SNTB1: variants seen among roughly 807,000 people sequenced by gnomAD.
SNTB1 encodes syntrophin beta 1.
A neutral mutation model predicts 48.9 loss-of-function variants in SNTB1; 36 were observed. The ratio of observed to expected loss-of-function variants is 0.74; its 90% confidence interval spans 0.56 to 0.97. The LOEUF (loss-of-function observed/expected upper bound fraction) is 0.97, where lower values mean the gene tolerates loss of function less well. Ranked by LOEUF, SNTB1 falls within the 50% of genes least tolerant of loss-of-function variation. The pLI, the probability that SNTB1 is intolerant of heterozygous loss-of-function variation, is 0.00. For synonymous variants in SNTB1, 299 were observed against 294.6 expected (o/e 1.01, Z -0.15); for missense variants, 786 against 703.4 (o/e 1.12, Z -1.33).
chr8:120,635,962 G>A (rs1817068197), intron 2 of SNTB1: 1 of 552,504 alleles, frequency 1.8e-6, no homozygotes, highest in Non-Finnish European at 3.1e-6. Flanking sequence ...TTTCAGATAT[G>A]CCCTCTCCTT....
At chr8:120,571,468 G>A in intron 4 of SNTB1, 1 of 304,422 alleles carries the variant, frequency 3.3e-6, no homozygotes, top group Non-Finnish European at 6.3e-6. Flanking sequence ...TTTACATTCT[G>A]ACTATTGAGG....
intron 1 of SNTB1, among the ~76,000 whole-genome samples, chr8:120,701,168 G>C (rs1818303981): frequency 6.6e-6 from 1 of 152,184 alleles, no homozygotes; most frequent in African/African-American, 2.4e-5. Flanking sequence ...AAGATGCAGA[G>C]AGAGATCATC....
At chr8:120,545,605 C>T (rs189439086) in intron 5 of SNTB1, among the ~76,000 whole-genome samples, 1 of 152,230 alleles carries the variant, frequency 6.6e-6, no homozygotes, top group East Asian at 1.9e-4. Context: ...AAGCATGGTT[C>T]TTAAGATGTC....
In SNTB1 at chr8:120,790,038, A is replaced by G. The variant is rs551142730; in HGVS notation, c.571+21235T>C. Among the ~76,000 whole-genome samples the G allele has an allele frequency of 2.0e-5, 3 of 152,102 alleles. 1 individual carries two copies. The South Asian group carries it at 6.2e-4, about 32-fold the overall frequency. ...AACAGCACATCAAAAAAAGTAATTC[A>G]CCATGATCAGGTGGGTTTTATTCCA... is the stretch of plus-strand genomic sequence containing the variant. On this transcript the variant is annotated intron_variant, in intron 1 of 6. Coordinates refer to ENST00000517992, the MANE Select transcript of SNTB1 (RefSeq NM_021021.4).
intron 3 of SNTB1, among the ~76,000 whole-genome samples, chr8:120,578,824 A>G (rs1023233798): frequency 2.0e-5 from 3 of 152,222 alleles, no homozygotes; most frequent in African/African-American, 4.8e-5. Flanking sequence ...AGTGGCTTCC[A>G]AACTCTTTAA....
At chr8:120,677,417 C>G (rs1420806506) in intron 2 of SNTB1, among the ~76,000 whole-genome samples, 1 of 152,198 alleles carries the variant, frequency 6.6e-6, no homozygotes, top group African/African-American at 2.4e-5. Flanking sequence ...GTTCTTCAAA[C>G]TGTCAGCTAC....
At chr8:120,681,452 TGA>T (rs1817929324) in intron 2 of SNTB1, among the ~76,000 whole-genome samples, 1 of 152,136 alleles carries the variant, frequency 6.6e-6, no homozygotes, top group Non-Finnish European at 1.5e-5. Flanking sequence ...CATCCAGATG[TGA>T]GTCCCTTGGC....
intron 1 of SNTB1, among the ~76,000 whole-genome samples, chr8:120,775,876 C>T (rs1044919669): frequency 5.3e-5 from 8 of 151,942 alleles, no homozygotes; most frequent in African/African-American, 1.9e-4. Context: ...GTCAAGGGCC[C>T]GGTTCTTTTT....
chr8:120,608,178 A>T (rs1039279818), intron 3 of SNTB1, among the ~76,000 whole-genome samples: 1 of 152,228 alleles, frequency 6.6e-6, no homozygotes, highest in African/African-American at 2.4e-5. Context: ...TTAAACACCC[A>T]ATGAAGATGA....
At chr8:120,596,910 T>TG (rs1355086822) in intron 3 of SNTB1, among the ~76,000 whole-genome samples, 1 of 152,242 alleles carries the variant, frequency 6.6e-6, no homozygotes, top group African/African-American at 2.4e-5. Context: ...TGCAGAGGTT[T>TG]GGTGCTTAAT....
chr8:120,586,946 T>C (rs1219629253), intron 3 of SNTB1, among the ~76,000 whole-genome samples: 1 of 152,104 alleles, frequency 6.6e-6, no homozygotes, highest in East Asian at 1.9e-4. Context: ...AATGGCTGAG[T>C]ATGGTGGCTC....
chr8:120,769,471 GT>G (rs1328700543), intron 1 of SNTB1: 1 of 152,178 alleles, frequency 6.6e-6, no homozygotes, highest in Non-Finnish European at 1.5e-5. Context: ...TGTTGCTCCA[GT>G]TTCTAGGCCC....
At chr8:120,755,978 T>A (rs1350677442) in intron 1 of SNTB1, among the ~76,000 whole-genome samples, 1 of 152,110 alleles carries the variant, frequency 6.6e-6, no homozygotes, top group African/African-American at 2.4e-5. Context: ...CAAACCAAGG[T>A]CAATACAGCT....
Position 120,632,450 on chromosome 8 carries a change from T to C in SNTB1, c.990A>G (p.Ala330=), listed in dbSNP as rs1303556762. The change falls in exon 3 of 7, where the codon GCA becomes GCG. Residue 330 remains alanine (A), a synonymous_variant. Coordinates refer to ENST00000517992, the MANE Select transcript of SNTB1 (RefSeq NM_021021.4). The part of the protein sequence containing the change: ...SREIRHLGWL[A]EKVPGESKKQ... ...AGGAAGGTATTTTCCTTACCTTTTC[T>C]GCAAGCCAGCCAAGATGCCTAATCT... 1.2e-6 allele frequency: 2 copies of C among 1,614,008 alleles called. No homozygotes were observed. Among genetic ancestry groups the C allele is most frequent in the East Asian group, 4.5e-5 (2 of 44,878 alleles).
intron 1 of SNTB1, among the ~76,000 whole-genome samples, chr8:120,800,896 G>A (rs1190768828): frequency 6.6e-6 from 1 of 151,896 alleles, no homozygotes; most frequent in Non-Finnish European, 1.5e-5. Flanking sequence ...TCAAGAAAAA[G>A]CAGTATAAGC....
intron 2 of SNTB1, among the ~76,000 whole-genome samples, chr8:120,672,515 A>C (rs547884556): frequency 3.9e-5 from 6 of 152,334 alleles, no homozygotes; most frequent in Admixed American, 1.3e-4. Flanking sequence ...AATCTTGTAC[A>C]ATGATAATAA....
chr8:120,647,722 G>T (rs2129699514), intron 2 of SNTB1, among the ~76,000 whole-genome samples: 1 of 83,096 alleles, frequency 1.2e-5, no homozygotes. Flanking sequence ...GGGTATCCTT[G>T]TTGACTTTCT....
chr8:120,673,413 C>T (rs1817787415), intron 2 of SNTB1, among the ~76,000 whole-genome samples: 1 of 151,864 alleles, frequency 6.6e-6, no homozygotes, highest in South Asian at 2.1e-4. Flanking sequence ...GCCTTAGCCT[C>T]CCGAGTAGCT....
chr8:120,776,822 A>C (rs1031719874), intron 1 of SNTB1: 1 of 152,158 alleles, frequency 6.6e-6, no homozygotes, highest in Admixed American at 6.5e-5. Flanking sequence ...TGAATAAACA[A>C]TCTACATGTC....
Sources: gnomAD v4.1 joint callset for allele counts (sites outside exome capture counted in the v4.1 genomes callset) on GRCh38, gnomAD v4.1.1 for gene constraint, MANE v1.5 for transcripts, NCBI Gene and HGNC (gene_info 2026-07-23, HGNC 2026-07-21) for gene names.